RBFOX1: variants seen among roughly 807,000 people sequenced by gnomAD.
The protein encoded by RBFOX1 is RNA binding protein fox-1 homolog 1.
A neutral mutation model predicts 57.7 loss-of-function variants in RBFOX1; 8 were observed. That is an observed-to-expected ratio of 0.14 (90% confidence interval 0.08 to 0.25). RBFOX1 has a LOEUF of 0.25. Ranked by LOEUF, RBFOX1 falls within the 10% of genes least tolerant of loss-of-function variation. The pLI, the probability that RBFOX1 is intolerant of heterozygous loss-of-function variation, is 1.00. For synonymous variants in RBFOX1, 326 were observed against 222.4 expected (o/e 1.47, Z -4.15); for missense variants, 611 against 548.5 (o/e 1.11, Z -1.14).
chr16:7,274,106 G>A (rs1404617234), intron 4 of RBFOX1, among the ~76,000 whole-genome samples: 1 of 152,174 alleles, frequency 6.6e-6, no homozygotes, highest in Non-Finnish European at 1.5e-5. Flanking sequence ...TGAAATCCAG[G>A]AAACCAATTG....
At chr16:5,532,116 C>T (rs1411405429) in intron 2 of RBFOX1, among the ~76,000 whole-genome samples, 1 of 152,112 alleles carries the variant, frequency 6.6e-6, no homozygotes, top group Non-Finnish European at 1.5e-5. Flanking sequence ...TCTTCTTGAT[C>T]AGGGCTTCCC....
At chr16:7,338,529 C>T (rs898115075) in intron 4 of RBFOX1, among the ~76,000 whole-genome samples, 1 of 152,256 alleles carries the variant, frequency 6.6e-6, no homozygotes, top group African/African-American at 2.4e-5. Context: ...GCTGGAACTA[C>T]AGACATGTAC....
chr16:7,257,965 A>G (rs538065219), intron 4 of RBFOX1, among the ~76,000 whole-genome samples: 44 of 152,202 alleles, frequency 2.9e-4, no homozygotes, highest in Non-Finnish European at 4.6e-4. Flanking sequence ...AGCTGAACAG[A>G]GCCTAATGAA....
At chr16:5,304,492 T>G (rs1180400509) in intron 1 of RBFOX1, among the ~76,000 whole-genome samples, 1 of 152,258 alleles carries the variant, frequency 6.6e-6, no homozygotes, top group Non-Finnish European at 1.5e-5. Context: ...CATGGTGACC[T>G]GAACATGGAC....
At chr16:6,866,928 G>T (rs1027646376) in intron 3 of RBFOX1, among the ~76,000 whole-genome samples, 3 of 151,530 alleles carry the variant, frequency 2.0e-5, no homozygotes, top group African/African-American at 7.3e-5. Context: ...AGCCCTTATG[G>T]GTCCTTAGCT....
intron 3 of RBFOX1, among the ~76,000 whole-genome samples, chr16:6,797,525 C>G (rs768956493): frequency 6.6e-6 from 1 of 152,160 alleles, no homozygotes; most frequent in African/African-American, 2.4e-5. Context: ...CCTGTGACAT[C>G]ATTCATTTAC....
chr16:5,643,510 C>A (rs570981567), intron 3 of RBFOX1, among the ~76,000 whole-genome samples: 2 of 152,102 alleles, frequency 1.3e-5, no homozygotes, highest in African/African-American at 4.8e-5. Context: ...CTTCACACAC[C>A]CAGCCTAGGA....
chr16:5,291,192 G>A (rs1402260746), intron 1 of RBFOX1, among the ~76,000 whole-genome samples: 3 of 151,442 alleles, frequency 2.0e-5, no homozygotes, highest in Non-Finnish European at 4.4e-5. Flanking sequence ...CCCCACTGGT[G>A]AAATAAAGGG....
intron 4 of RBFOX1, among the ~76,000 whole-genome samples, chr16:7,182,766 T>G (rs2078375552): frequency 3.3e-5 from 5 of 152,132 alleles, no homozygotes; most frequent in Admixed American, 3.3e-4. Context: ...CAGATTTGCC[T>G]CACCCCTGAC....
chr16:6,584,101 A>C (rs1238172708), intron 2 of RBFOX1, among the ~76,000 whole-genome samples: 1 of 151,920 alleles, frequency 6.6e-6, no homozygotes, highest in Admixed American at 6.6e-5. Flanking sequence ...ATTCAGAAAG[A>C]AACGTAACCA....
intron 2 of RBFOX1, among the ~76,000 whole-genome samples, chr16:6,345,729 A>T (rs570911722): frequency 1.3e-5 from 2 of 152,300 alleles, no homozygotes; most frequent in South Asian, 4.1e-4. Flanking sequence ...GAACCCATAC[A>T]ATCTAAGACT....
intron 3 of RBFOX1, among the ~76,000 whole-genome samples, chr16:5,799,174 A>T (rs2054977732): frequency 6.6e-6 from 1 of 152,078 alleles, no homozygotes; most frequent in Non-Finnish European, 1.5e-5. Flanking sequence ...ATCCAAGCAG[A>T]AAGGGAAACC....
chr16:5,417,976 G>C (rs188241979), intron 1 of RBFOX1, among the ~76,000 whole-genome samples: 1 of 152,232 alleles, frequency 6.6e-6, no homozygotes, highest in Admixed American at 6.5e-5. Context: ...AGCTGCTGAG[G>C]AGTCTGAGGC....
At chr16:7,375,756 T>C (rs1448639484) in intron 4 of RBFOX1, among the ~76,000 whole-genome samples, 1 of 152,218 alleles carries the variant, frequency 6.6e-6, no homozygotes, top group Non-Finnish European at 1.5e-5. Flanking sequence ...ATGATTTTTC[T>C]GGGTTCCTTT....
chr16:5,300,248 T>C (rs2063770125), intron 1 of RBFOX1, among the ~76,000 whole-genome samples: 1 of 152,186 alleles, frequency 6.6e-6, no homozygotes, highest in Non-Finnish European at 1.5e-5. Context: ...ATGAAGGGTA[T>C]TGATGTATTT....
intron 3 of RBFOX1, among the ~76,000 whole-genome samples, chr16:6,734,101 T>A (rs947694040): frequency 6.6e-6 from 1 of 152,204 alleles, no homozygotes; most frequent in Non-Finnish European, 1.5e-5. Context: ...TCCAGTCTTA[T>A]TACCAGAATT....
intron 3 of RBFOX1, among the ~76,000 whole-genome samples, chr16:5,631,610 T>A (rs1319645805): frequency 1.3e-5 from 2 of 152,082 alleles, no homozygotes; most frequent in African/African-American, 4.8e-5. Flanking sequence ...TGACTTCAGT[T>A]TTAGGTAATT....
intron 2 of RBFOX1, among the ~76,000 whole-genome samples, chr16:6,635,555 T>C (rs1223586583): frequency 1.3e-5 from 2 of 151,802 alleles, no homozygotes; most frequent in Non-Finnish European, 2.9e-5. Flanking sequence ...TTCTGGAAAA[T>C]AAAAAGAGGT....
At chr16:5,603,308 G>C (rs2047429330), downstream of RBFOX1, among the ~76,000 whole-genome samples, 1 of 152,210 alleles carries the variant, frequency 6.6e-6, no homozygotes, top group Non-Finnish European at 1.5e-5. Context: ...AGTAGTCCAA[G>C]GAGGGAAGAC....
Sources: gnomAD v4.1 joint callset for allele counts (sites outside exome capture counted in the v4.1 genomes callset) on GRCh38, gnomAD v4.1.1 for gene constraint, MANE v1.5 for transcripts, NCBI Gene and HGNC (gene_info 2026-07-23, HGNC 2026-07-21) for gene names.